Variants in CNKSR3 observed in about 807,000 individuals in gnomAD.
The protein encoded by CNKSR3 is CNKSR family member 3.
A neutral mutation model predicts 67.7 loss-of-function variants in CNKSR3; 36 were observed. That is an observed-to-expected ratio of 0.53 (90% CI 0.41 to 0.70). The LOEUF (loss-of-function observed/expected upper bound fraction) is 0.70, where lower values mean the gene tolerates loss of function less well. Ranked by LOEUF, CNKSR3 falls within the 30% of genes least tolerant of loss-of-function variation. The pLI is 0.00. For synonymous variants in CNKSR3, 281 were observed against 271.4 expected (o/e 1.04, Z -0.35); for missense variants, 630 against 695.2 (o/e 0.91, Z 1.05).
intron 5 of CNKSR3, among the ~76,000 whole-genome samples, chr6:154,433,159 A>C (rs1785404148): frequency 6.6e-6 from 1 of 152,352 alleles, no homozygotes; most frequent in Admixed American, 6.5e-5. Context: ...AAATTTGCAC[A>C]TCAGTTCAAT....
chr6:154,454,618 C>T (rs1785912895), intron 1 of CNKSR3, among the ~76,000 whole-genome samples: 1 of 152,102 alleles, frequency 6.6e-6, no homozygotes, highest in African/African-American at 2.4e-5. Context: ...AATACCTGGG[C>T]TCAAGTGATG....
intron 6 of CNKSR3, 60 bp from the exon 7 acceptor site, chr6:154,428,247 G>A: frequency 1.9e-6 from 2 of 1,048,970 alleles, no homozygotes; most frequent in Non-Finnish European, 1.5e-6. Context: ...ATAGCCCCGA[G>A]TGAGACTTAA....
intron 9 of CNKSR3, chr6:154,414,751 A>G (rs1303147620): frequency 1.9e-6 from 1 of 529,082 alleles, no homozygotes; most frequent in East Asian, 5.3e-5. Context: ...TACTGATAAT[A>G]TCTCTTGCAT....
chr6:154,449,175 A>T (rs1785770843), intron 2 of CNKSR3, among the ~76,000 whole-genome samples: 1 of 152,246 alleles, frequency 6.6e-6, no homozygotes, highest in South Asian at 2.1e-4. Context: ...AATGAAGGCC[A>T]CATTTTTTTC....
rs1784633878 is a variant in CNKSR3 at position 154,394,049 on chromosome 6, T to C, written c.*12305A>G. On this transcript the variant is annotated 3_prime_UTR_variant, in exon 13 of 13. Transcript: ENST00000607772. ...CTTTTCTTTTGTGAGATGAGGGTTT[T>C]GCTTTGTCATCCAGACTGGAGTGCA... The C allele has an allele frequency of 6.6e-6, 1 of 152,220 alleles. No homozygotes were observed. The highest frequency in any genetic ancestry group is 2.1e-4 in the South Asian group (1 of 4,834). 9.4% of individuals were successfully genotyped at this position (152,220 alleles called of 1,614,324 possible).
At chr6:154,496,622 C>T (rs1487008358) in intron 1 of CNKSR3, among the ~76,000 whole-genome samples, 1 of 152,146 alleles carries the variant, frequency 6.6e-6, no homozygotes, top group Non-Finnish European at 1.5e-5. Flanking sequence ...TGTATGAGAG[C>T]ATTAGAACCT....
chr6:154,453,689 GAATAC>G, intron 1 of CNKSR3, among the ~76,000 whole-genome samples: 1 of 152,078 alleles, frequency 6.6e-6, no homozygotes, highest in Admixed American at 6.5e-5. Flanking sequence ...CTATTGTTTA[GAATAC>G]AATTAAACAT....
In CNKSR3 at chr6:154,509,755, G is replaced by A. The variant is rs1787176320; in HGVS notation, c.52+308C>T. Among the ~76,000 whole-genome samples the A allele has an allele frequency of 2.0e-5, 3 of 152,114 alleles. No homozygotes were observed. The South Asian group carries it at 6.2e-4, about 31-fold the overall frequency. ...GGGCCAGGCAGGGAGAGCGCCCCCCGGCCCGAGTGCCGAGTCCCGAGATCG... is the reference window on the plus strand; with the variant it reads ...GGGCCAGGCAGGGAGAGCGCCCCCCAGCCCGAGTGCCGAGTCCCGAGATCG... On this transcript the variant is annotated intron_variant, in intron 1 of 12. Coordinates refer to ENST00000607772, the MANE Select transcript of CNKSR3 (RefSeq NM_173515.4).
In CNKSR3 at chr6:154,510,324, A is replaced by C. The variant is rs1787190599; in HGVS notation, c.-210T>G. On this transcript the variant is annotated 5_prime_UTR_variant, in exon 1 of 13. Coordinates refer to ENST00000607772, the MANE Select transcript of CNKSR3 (RefSeq NM_173515.4). ...CCTCTCCCTCCAGCTGCCACAGTCC[A>C]GCTGCAGCTCCTCCTTCCCCCGCCG... 5 of 566,752 alleles carry C rather than the reference A, an allele frequency of 8.8e-6. No homozygotes were observed. The highest frequency in any genetic ancestry group is 1.5e-5 in the Non-Finnish European group (5 of 323,966). 35.1% of individuals were successfully genotyped at this position (566,752 alleles called of 1,614,324 possible). A position where few individuals can be genotyped will look rare whatever the true frequency, so the allele number is the denominator to read the frequency against.
At chr6:154,416,921 G>A (rs780242574) in intron 9 of CNKSR3, among the ~76,000 whole-genome samples, 1 of 152,202 alleles carries the variant, frequency 6.6e-6, no homozygotes, top group Non-Finnish European at 1.5e-5. Flanking sequence ...TCCCCAAACT[G>A]CAGCTAGAGG....
At chr6:154,485,804 C>T (rs2114643514) in intron 1 of CNKSR3, among the ~76,000 whole-genome samples, 1 of 152,312 alleles carries the variant, frequency 6.6e-6, no homozygotes, top group South Asian at 2.1e-4. Context: ...CTGGTGGTTG[C>T]TTCTGTAAGA....
At chr6:154,409,023 G>A (rs766095778) in intron 12 of CNKSR3, among the ~76,000 whole-genome samples, 1 of 152,064 alleles carries the variant, frequency 6.6e-6, no homozygotes, top group Non-Finnish European at 1.5e-5. Context: ...TCTAAACAAC[G>A]GACAGCCCTG....
At chr6:154,410,187 T>G (rs1340306115) in intron 12 of CNKSR3, among the ~76,000 whole-genome samples, 156 bp downstream of exon 12, 1 of 152,246 alleles carries the variant, frequency 6.6e-6, no homozygotes, top group Non-Finnish European at 1.5e-5. Context: ...TTAAAGATCT[T>G]CAGCAGTCCT....
At chr6:154,428,015 C>T (rs992377188) in intron 7 of CNKSR3, 113 bp downstream of exon 7, 11 of 701,120 alleles carry the variant, frequency 1.6e-5, no homozygotes, top group African/African-American at 5.3e-5. Context: ...CAGGTACCCA[C>T]GCTCTCACAA....
chr6:154,499,960 T>C (rs1005435142), intron 1 of CNKSR3, among the ~76,000 whole-genome samples: 2 of 152,174 alleles, frequency 1.3e-5, no homozygotes, highest in African/African-American at 4.8e-5. Flanking sequence ...TACTTATTAG[T>C]AACAATTTAA....
intron 7 of CNKSR3, 127 bp from the exon 8 acceptor site, chr6:154,423,110 T>G (rs1020485706): frequency 4.9e-6 from 3 of 618,190 alleles, no homozygotes; most frequent in East Asian, 2.8e-5. Context: ...AATAAAACAA[T>G]GCACTTTATT....
At chr6:154,429,686 C>T (rs541313910) in intron 6 of CNKSR3, among the ~76,000 whole-genome samples, 1 of 152,072 alleles carries the variant, frequency 6.6e-6, no homozygotes, top group Non-Finnish European at 1.5e-5. Context: ...CTGACAGCTA[C>T]CTATACATTA....
chr6:154,423,874 T>A (rs1185413822), intron 7 of CNKSR3, among the ~76,000 whole-genome samples: 2 of 152,090 alleles, frequency 1.3e-5, no homozygotes, highest in Non-Finnish European at 2.9e-5. Context: ...CAAAACAAAA[T>A]CCAGACTTTT....
chr6:154,454,477 A>C (rs1313497297), intron 1 of CNKSR3, among the ~76,000 whole-genome samples: 1 of 152,168 alleles, frequency 6.6e-6, no homozygotes, highest in Admixed American at 6.5e-5. Flanking sequence ...GCTTGAGGCC[A>C]GAAGTTTGAG....
Sources: allele counts gnomAD v4.1 joint callset (sites outside exome capture counted in the v4.1 genomes callset), GRCh38; gene constraint gnomAD v4.1.1; transcripts MANE v1.5; gene names NCBI Gene and HGNC (gene_info 2026-07-23, HGNC 2026-07-21).